Variants in FAHD2A observed in about 807,000 individuals in gnomAD.
FAHD2A encodes fumarylacetoacetate hydrolase domain containing 2A.
A neutral mutation model predicts 33.4 loss-of-function variants in FAHD2A; 27 were observed. The ratio of observed to expected loss-of-function variants is 0.81; its 90% confidence interval spans 0.60 to 1.11. The LOEUF is 1.11. Ranked by LOEUF, FAHD2A falls within the 50% of genes most tolerant of loss-of-function variation. The pLI, the probability that FAHD2A is intolerant of heterozygous loss-of-function variation, is 0.00. For missense variants in FAHD2A, 296 were observed against 395.0 expected (o/e 0.75, Z 2.12); for synonymous variants, 130 against 153.3 (o/e 0.85, Z 1.12).
intron 3 of FAHD2A, among the ~76,000 whole-genome samples, chr2:95,407,775 T>A (rs1232749667): frequency 1.3e-5 from 2 of 152,260 alleles, no homozygotes; most frequent in Non-Finnish European, 2.9e-5. Flanking sequence ...TCAAAATTTT[T>A]GAAAAATTCT....
chr2:95,408,052 T>G (rs926877978), intron 3 of FAHD2A, among the ~76,000 whole-genome samples: 1 of 146,880 alleles, frequency 6.8e-6, no homozygotes, highest in Non-Finnish European at 1.5e-5. Flanking sequence ...TTTTTTTTTT[T>G]TTTTTTTGCA....
rs1179959572 is a variant in FAHD2A, at chr2:95,402,770, T to A, written c.-109T>A. On this transcript the variant is annotated 5_prime_UTR_variant, in exon 1 of 8. Coordinates refer to ENST00000233379, the MANE Select transcript of FAHD2A (RefSeq NM_016044.3). Reference sequence around the variant, plus strand: ...TTAGCAGCTGCTGCATTTCCCCGGCTGGCTGCGGTCACTGGTGGCAGTGCT... The same window carrying A: ...TTAGCAGCTGCTGCATTTCCCCGGCAGGCTGCGGTCACTGGTGGCAGTGCT... 1 of 152,446 alleles carries A rather than the reference T, an allele frequency of 6.6e-6. No homozygotes were observed. The highest frequency in any genetic ancestry group is 1.5e-5 in the Non-Finnish European group (1 of 68,218). 9.4% of individuals were successfully genotyped at this position (152,446 alleles called of 1,614,324 possible).
In FAHD2A at chr2:95,415,874, G is replaced by A. The variant is rs565494941; in HGVS notation, c.*2917G>A. On this transcript the variant is annotated 3_prime_UTR_variant, in exon 8 of 8. Transcript: ENST00000233379. ...TGAGGATGCTATTTAACCTCTCTAA[G>A]CTAAAGCTCCTCGACTGCAGCATCA... The A allele has an allele frequency of 1.3e-5, 2 of 152,518 alleles. No individual in the cohort carries two copies. Among genetic ancestry groups the A allele is most frequent in the African/African-American group, 4.8e-5 (2 of 41,570 alleles). The allele number at this position is 152,518 out of a possible 1,614,324, so 9.4% of individuals were successfully genotyped here.
chr2:95,416,957 C>T (rs1023120480), downstream of FAHD2A, among the ~76,000 whole-genome samples: 8 of 152,216 alleles, frequency 5.3e-5, no homozygotes, highest in Non-Finnish European at 7.3e-5. Flanking sequence ...TTCCAGGCAG[C>T]ATTTCCACAG....
Position 95,413,418 on chromosome 2 carries a change from C to T in FAHD2A, c.*461C>T, listed in dbSNP as rs909447536. On this transcript the variant is annotated 3_prime_UTR_variant, in exon 8 of 8. Transcript: ENST00000233379. ...TAGGACACAGCTGTGTTCTGGGGCT[C>T]AGAAGTCTCAGCACAGGCTCCTTCT... 6.2e-7 allele frequency: 1 copy of T among 1,602,186 alleles called. No individual in the cohort carries two copies. Among genetic ancestry groups the T allele is most frequent in the South Asian group, 1.1e-5 (1 of 89,094 alleles).
At chr2:95,406,198 C>G (rs940713096) in intron 2 of FAHD2A, among the ~76,000 whole-genome samples, 1 of 129,470 alleles carries the variant, frequency 7.7e-6, no homozygotes, top group African/African-American at 2.9e-5. Context: ...GAGAGGACTG[C>G]AAGGAGGTTT....
intron 1 of FAHD2A, chr2:95,405,320 G>A (rs916269315): frequency 9.3e-5 from 46 of 496,956 alleles, no homozygotes; most frequent in African/African-American, 7.6e-4. Context: ...ACTGGTTGAA[G>A]GAACGCTGGA....
chr2:95,404,890 G>A (rs983276711), intron 1 of FAHD2A, among the ~76,000 whole-genome samples: 1 of 152,226 alleles, frequency 6.6e-6, no homozygotes, highest in Non-Finnish European at 1.5e-5. Flanking sequence ...TATCTGGAGA[G>A]GCAGGTGGGG....
chr2:95,420,971 T>C (rs1683306360), downstream of FAHD2A, among the ~76,000 whole-genome samples: 1 of 150,988 alleles, frequency 6.6e-6, no homozygotes, highest in Admixed American at 6.6e-5. Flanking sequence ...TAACTAACTT[T>C]CATAAATGTA....
chr2:95,406,740 A>G (rs1040756803), intron 2 of FAHD2A, among the ~76,000 whole-genome samples: 1 of 152,204 alleles, frequency 6.6e-6, no homozygotes, highest in African/African-American at 2.4e-5. Context: ...GGGAGAGGAA[A>G]TCAACACTGG....
rs1272059048 is a variant in FAHD2A, at chr2:95,405,724, A to G, written c.166A>G (p.Asn56Asp). ...TGNGGGVINL[N>D]AFDPTLPKTM... ...GAATGGTGGAGGGGTTATCAACCTC[A>G]ATGCCTTTGACCCCACACTCCCGAA... Residue 56 changes from asparagine to aspartate, a missense_variant, in exon 2 of 8, where the codon AAT becomes GAT. Asn to Asp is a conservative substitution (Grantham distance 23, BLOSUM62 1). Coordinates refer to ENST00000233379, the MANE Select transcript of FAHD2A (RefSeq NM_016044.3). The G allele has an allele frequency of 1.4e-5, 23 of 1,613,848 alleles. No individual in the cohort carries two copies. Among genetic ancestry groups the G allele is most frequent in the Non-Finnish European group, 1.9e-5 (23 of 1,179,962 alleles).
chr2:95,405,862 C>T (rs1320577899), intron 2 of FAHD2A, 59 bp downstream of exon 2: 101 of 1,474,022 alleles, frequency 6.9e-5, no homozygotes, highest in Non-Finnish European at 7.8e-5. Context: ...GCACCCTCCC[C>T]GCTCTGGGAA....
chr2:95,411,297 G>T (rs550588539), intron 5 of FAHD2A, among the ~76,000 whole-genome samples: 1 of 152,352 alleles, frequency 6.6e-6, no homozygotes, highest in African/African-American at 2.4e-5. Context: ...GGTGGATCGG[G>T]CTTCCTGCGG....
chr2:95,407,947 A>T (rs1005801264), intron 3 of FAHD2A, among the ~76,000 whole-genome samples: 1 of 151,580 alleles, frequency 6.6e-6, no homozygotes, highest in African/African-American at 2.4e-5. Flanking sequence ...CACTCAGATA[A>T]CTTTTCCACC....
chr2:95,411,125 C>T, intron 5 of FAHD2A, 99 bp downstream of exon 5: 1 of 1,534,932 alleles, frequency 6.5e-7, no homozygotes, highest in Non-Finnish European at 8.8e-7. Context: ...ACCTGCCCTC[C>T]CTGGCCGCCC....
chr2:95,405,527 C>T, intron 1 of FAHD2A, 26 bp from the exon 2 acceptor site: 1 of 1,593,370 alleles, frequency 6.3e-7, no homozygotes, highest in Non-Finnish European at 8.6e-7. Context: ...TCCTCTGTCT[C>T]CTGGATCCTG....
At position 95,413,009 on chromosome 2, in the gene FAHD2A, G is replaced by C. The variant is rs1477812012; in HGVS notation, c.*52G>C. ...GGATGAGGGCATCTGCTCCCACTCAGCCTAGCCCAGGGAAAGGCCCAGTGA... is the reference window on the plus strand; with the variant it reads ...GGATGAGGGCATCTGCTCCCACTCACCCTAGCCCAGGGAAAGGCCCAGTGA... On this transcript the variant is annotated 3_prime_UTR_variant, in exon 8 of 8. Transcript: ENST00000233379. 4 of 1,603,134 alleles carry C rather than the reference G, an allele frequency of 2.5e-6. No individual in the cohort carries two copies. Among genetic ancestry groups the C allele is most frequent in the Admixed American group, 3.4e-5 (2 of 59,182 alleles).
chr2:95,407,319 A>G, intron 3 of FAHD2A, 162 bp downstream of exon 3: 1 of 1,044,202 alleles, frequency 9.6e-7, no homozygotes, highest in Non-Finnish European at 1.4e-6. Context: ...GGAAAAAAAA[A>G]GTTAATGTAC....
In FAHD2A at chr2:95,415,943, G is replaced by A. The variant is rs1219932361; in HGVS notation, c.*2986G>A. 1 of 152,196 alleles carries A rather than the reference G, an allele frequency of 6.6e-6. No individual in the cohort carries two copies. The highest frequency in any genetic ancestry group is 1.5e-5 in the Non-Finnish European group (1 of 68,024). 9.4% of individuals were successfully genotyped at this position (152,196 alleles called of 1,614,324 possible). ...GTTAAGGCCGTCGAGAGCATCAAAT[G>A]CTACTGTTCAGCAGGTGCCTGACAC... On this transcript the variant is annotated 3_prime_UTR_variant, in exon 8 of 8. Transcript: ENST00000233379.
Sources: gnomAD v4.1 joint callset for allele counts (sites outside exome capture counted in the v4.1 genomes callset) on GRCh38, gnomAD v4.1.1 for gene constraint, MANE v1.5 for transcripts, NCBI Gene and HGNC (gene_info 2026-07-23, HGNC 2026-07-21) for gene names.